Variants in RUNX1 observed in about 807,000 individuals in gnomAD.
The protein encoded by RUNX1 is RUNX family transcription factor 1, also known as runt-related transcription factor 1.
A neutral mutation model predicts 42.8 loss-of-function variants in RUNX1; 19 were observed. The ratio of observed to expected loss-of-function variants is 0.44; its 90% confidence interval spans 0.31 to 0.65. The LOEUF is 0.65. Among genes scored for constraint, RUNX1 ranks in the 30% least tolerant of loss-of-function variants. The pLI, the probability that RUNX1 is intolerant of heterozygous loss-of-function variation, is 0.07. For missense variants in RUNX1, 528 were observed against 672.0 expected, an observed-to-expected ratio of 0.79 and a Z score of 2.37; for synonymous variants, 271 against 289.4, an observed-to-expected ratio of 0.94 and a Z score of 0.64.
intron 2 of RUNX1, among the ~76,000 whole-genome samples, chr21:34,987,645 C>T (rs1022030126): frequency 7.9e-5 from 12 of 151,812 alleles, no homozygotes; most frequent in Admixed American, 3.9e-4. Flanking sequence ...AGTCTGACAT[C>T]GCTAAAAAAA....
intron 2 of RUNX1, among the ~76,000 whole-genome samples, chr21:35,040,782 A>C (rs1308587042): frequency 3.3e-5 from 5 of 151,014 alleles, no homozygotes; most frequent in South Asian, 2.1e-4. Flanking sequence ...AAAAAAAAAA[A>C]AAAAAAAAAA....
intron 2 of RUNX1, among the ~76,000 whole-genome samples, chr21:34,893,544 T>A (rs752645428): frequency 5.3e-5 from 8 of 152,224 alleles, no homozygotes; most frequent in Non-Finnish European, 1.2e-4. Flanking sequence ...TGTATACATT[T>A]ACAACTATAG....
intron 2 of RUNX1, among the ~76,000 whole-genome samples, chr21:35,016,862 G>A (rs1201116848): frequency 6.7e-6 from 1 of 148,778 alleles, no homozygotes; most frequent in Non-Finnish European, 1.5e-5. Context: ...GAATCTCTGG[G>A]ACTTGCAGTG....
At chr21:34,871,165 CTACA>C (rs924315224) in intron 5 of RUNX1, among the ~76,000 whole-genome samples, 4 of 152,144 alleles carry the variant, frequency 2.6e-5, no homozygotes, top group African/African-American at 9.7e-5. Flanking sequence ...GTCTCCGTTC[CTACA>C]CACACCCTTG....
In RUNX1 at chr21:34,907,343, G is replaced by C. The variant is rs540280741; in HGVS notation, c.59-14380C>G. On this transcript the variant is annotated intron_variant, in intron 2 of 8. Transcript: ENST00000675419. This position sits in a 1 kb window ranked among gnomAD's most constrained non-coding sequence, Gnocchi z 5.3. ...ACAATAGGTTGTGACCCATAGATTG[G>C]TTGTTAATAATAATAATAACAAAAG... Among the ~76,000 whole-genome samples, 40 of 152,132 alleles carry C rather than the reference G, an allele frequency of 2.6e-4. No homozygotes were observed. The highest frequency in any genetic ancestry group is 1.6e-3 in the Admixed American group (24 of 15,280).
intron 6 of RUNX1, among the ~76,000 whole-genome samples, chr21:34,845,446 G>C (rs2057301775): frequency 6.6e-6 from 1 of 152,216 alleles, no homozygotes; most frequent in Non-Finnish European, 1.5e-5. Flanking sequence ...TGTCTACCTT[G>C]AGTCTCTGCC....
intron 2 of RUNX1, among the ~76,000 whole-genome samples, chr21:34,921,798 A>AT (rs1381399590): frequency 6.6e-6 from 1 of 151,728 alleles, no homozygotes; most frequent in Middle Eastern, 3.2e-3. Flanking sequence ...TACCTGGCGA[A>AT]TTTTTTTGTA....
chr21:34,831,277 G>A (rs921793280), intron 7 of RUNX1, among the ~76,000 whole-genome samples: 1 of 152,084 alleles, frequency 6.6e-6, no homozygotes, highest in Non-Finnish European at 1.5e-5. Flanking sequence ...ATAGGAAGTT[G>A]AAATAAACCT....
At chr21:34,893,987 C>CA (rs367907659) in intron 2 of RUNX1, among the ~76,000 whole-genome samples, 2,334 of 146,754 alleles carry the variant, frequency 0.016, 24 homozygotes, top group African/African-American at 0.029. Context: ...AAGGAGCATC[C>CA]AAAAAAAAAC....
intron 7 of RUNX1, among the ~76,000 whole-genome samples, chr21:34,803,923 C>T (rs1295616881): frequency 6.6e-6 from 1 of 152,184 alleles, no homozygotes; most frequent in Non-Finnish European, 1.5e-5. Flanking sequence ...GTCAGAATGT[C>T]CTGTTGCTTC....
At chr21:34,866,030 A>C (rs73201071) in intron 5 of RUNX1, among the ~76,000 whole-genome samples, 3,907 of 152,196 alleles carry the variant, frequency 0.026, 82 homozygotes, top group Non-Finnish European at 0.041. Context: ...TCCCCGGTCT[A>C]CCTGAGTTGG....
At position 34,905,443 on chromosome 21, in the gene RUNX1, T is replaced by C. The variant is rs374381259; in HGVS notation, c.59-12480A>G. Among the ~76,000 whole-genome samples, 71 of 152,344 alleles carry C rather than the reference T, an allele frequency of 4.7e-4. No individual in the cohort carries two copies. In the South Asian group the frequency reaches 7.7e-3, roughly 16 times the overall value. ...GAGAAGGAAATAACGTTATTATGTG[T>C]AAGCTTTATTTTCACCGTTGTGTAT... is the stretch of plus-strand genomic sequence containing the variant. On this transcript the variant is annotated intron_variant, in intron 2 of 8. Transcript: ENST00000675419.
At chr21:34,795,040 C>T (rs1301371012) in intron 8 of RUNX1, among the ~76,000 whole-genome samples, 2 of 152,192 alleles carry the variant, frequency 1.3e-5, no homozygotes, top group Non-Finnish European at 2.9e-5. Context: ...GGCTAGGACT[C>T]TCCTCTTTAT....
At chr21:34,960,738 T>A (rs182366945) in intron 2 of RUNX1, among the ~76,000 whole-genome samples, 1 of 152,270 alleles carries the variant, frequency 6.6e-6, no homozygotes, top group African/African-American at 2.4e-5. Context: ...ACCCCAAGAA[T>A]CCCTTATGGT....
At position 35,031,077 on chromosome 21, in the gene RUNX1, G is replaced by A. The variant is rs142543763; in HGVS notation, c.58+17765C>T. Among the ~76,000 whole-genome samples the A allele has an allele frequency of 6.2e-3, 950 of 152,302 alleles. 8 individuals carry two copies. Among genetic ancestry groups the A allele is most frequent in the African/African-American group, 0.018 (753 of 41,562 alleles). ...AAAAAGTTAAGAGATGGCCGGGTGC[G>A]GTGGCTCACGCCTGTAATCCCAGCA... On this transcript the variant is annotated intron_variant, in intron 2 of 8. Transcript: ENST00000675419.
intron 2 of RUNX1, among the ~76,000 whole-genome samples, chr21:34,954,379 TTGTC>T (rs1266225769): frequency 2.6e-5 from 4 of 152,098 alleles, no homozygotes; most frequent in Non-Finnish European, 5.9e-5. Flanking sequence ...GCAGGAGTGA[TTGTC>T]TGATTGTTTC....
chr21:34,821,922 G>C (rs1046820439), intron 7 of RUNX1, among the ~76,000 whole-genome samples: 1 of 152,158 alleles, frequency 6.6e-6, no homozygotes, highest in Admixed American at 6.5e-5. Flanking sequence ...CGTAATTTGT[G>C]GTAAATCATA....
intron 6 of RUNX1, among the ~76,000 whole-genome samples, chr21:34,842,173 C>T (rs2057246140): frequency 6.6e-6 from 1 of 152,142 alleles, no homozygotes; most frequent in South Asian, 2.1e-4. Context: ...AATACAATAT[C>T]ATAACTGAGC....
At chr21:34,931,901 T>C (rs1354452236) in intron 2 of RUNX1, among the ~76,000 whole-genome samples, 2 of 152,108 alleles carry the variant, frequency 1.3e-5, no homozygotes, top group African/African-American at 4.8e-5. Context: ...TGTACTGAAT[T>C]CCTTAGGCAG....
Sources: gnomAD v4.1 joint callset for allele counts (sites outside exome capture counted in the v4.1 genomes callset) on GRCh38, gnomAD v4.1.1 for gene constraint, Gnocchi (gnomAD v3.1) non-coding constraint, MANE v1.5 for transcripts, NCBI Gene and HGNC (gene_info 2026-07-23, HGNC 2026-07-21) for gene names.